LSAMP: variants seen among roughly 807,000 people sequenced by gnomAD.
LSAMP encodes the protein limbic system-associated membrane protein.
Under a neutral mutation model 38.6 loss-of-function variants are expected in LSAMP, and 7 were observed. The observed-to-expected ratio is 0.18, with a 90% CI of 0.10 to 0.34. LSAMP has a LOEUF of 0.34. LSAMP is among the 10% of genes least tolerant of loss of function. The probability of loss-of-function intolerance (pLI) is 1.00; values close to 1 mark genes in which losing one functional copy is unlikely to be tolerated. For synonymous variants in LSAMP, 154 were observed against 166.8 expected, an observed-to-expected ratio of 0.92 and a Z score of 0.59; for missense variants, 313 against 420.0, an observed-to-expected ratio of 0.75 and a Z score of 2.23.
intron 1 of LSAMP, among the ~76,000 whole-genome samples, chr3:116,402,189 C>T (rs1297483838): frequency 1.3e-5 from 2 of 152,156 alleles, no homozygotes; most frequent in African/African-American, 4.8e-5. Flanking sequence ...TGCGATTTCA[C>T]ATGTTAGGGC....
intron 1 of LSAMP, among the ~76,000 whole-genome samples, chr3:116,209,064 T>G (rs907487855): frequency 1.3e-5 from 2 of 152,092 alleles, no homozygotes; most frequent in Non-Finnish European, 2.9e-5. Flanking sequence ...TCCTTGGGGG[T>G]AGGACCCTCT....
At chr3:115,905,991 A>G (rs568523152) in intron 3 of LSAMP, among the ~76,000 whole-genome samples, 1 of 152,310 alleles carries the variant, frequency 6.6e-6, no homozygotes, top group South Asian at 2.1e-4. Context: ...GACTGGAAAC[A>G]GCAAACATGA....
At chr3:116,209,285 C>T (rs2046119438) in intron 1 of LSAMP, among the ~76,000 whole-genome samples, 1 of 152,164 alleles carries the variant, frequency 6.6e-6, no homozygotes, top group Non-Finnish European at 1.5e-5. Flanking sequence ...ACCCACTGAC[C>T]TGCGCCCACT....
At chr3:116,279,329 C>T (rs1053734932) in intron 1 of LSAMP, among the ~76,000 whole-genome samples, 18 of 152,218 alleles carry the variant, frequency 1.2e-4, no homozygotes, top group Admixed American at 1.1e-3. Flanking sequence ...CTCCTTCTCA[C>T]TGCAAGGCCT....
chr3:116,091,523 G>A lies in LSAMP; in HGVS notation c.156-4967C>T, dbSNP rs141209014. Among the ~76,000 whole-genome samples the A allele has an allele frequency of 1.0e-2, 1,516 of 152,208 alleles. 20 individuals carry two copies. Among genetic ancestry groups the A allele is most frequent in the African/African-American group, 0.033 (1,364 of 41,516 alleles). ...ATGTTTAGAGATTGCAGTAAAGACA[G>A]GCATAAGAAATTACAAAAGTATTAA... is the stretch of plus-strand genomic sequence containing the variant. On this transcript the variant is annotated intron_variant, in intron 1 of 6. Coordinates refer to ENST00000490035, the MANE Select transcript of LSAMP (RefSeq NM_002338.5).
chr3:115,954,150 CTTAT>C (rs1393247838), intron 3 of LSAMP, among the ~76,000 whole-genome samples: 2 of 152,118 alleles, frequency 1.3e-5, no homozygotes, highest in Non-Finnish European at 2.9e-5. Context: ...TATCCATTTA[CTTAT>C]TTATTTTTTT....
chr3:116,032,114 AT>A (rs1225306460), intron 2 of LSAMP, among the ~76,000 whole-genome samples: 3 of 152,020 alleles, frequency 2.0e-5, no homozygotes, highest in South Asian at 2.1e-4. Flanking sequence ...TATGAGTTAG[AT>A]TTTTTTTCCT....
At chr3:115,864,243 C>T (rs1001481687) in intron 3 of LSAMP, among the ~76,000 whole-genome samples, 1 of 146,990 alleles carries the variant, frequency 6.8e-6, no homozygotes, top group African/African-American at 2.6e-5. Flanking sequence ...CCTCACTATT[C>T]TCCACTCCAT....
chr3:116,399,867 A>G (rs2048815898), intron 1 of LSAMP, among the ~76,000 whole-genome samples: 1 of 152,190 alleles, frequency 6.6e-6, no homozygotes, highest in African/African-American at 2.4e-5. Context: ...CTTATGTAGA[A>G]AGCATTTGCA....
At chr3:116,248,759 G>T (rs553155624) in intron 1 of LSAMP, among the ~76,000 whole-genome samples, 2 of 152,152 alleles carry the variant, frequency 1.3e-5, no homozygotes, top group South Asian at 4.1e-4. Context: ...GGCCAAGGAT[G>T]CCTGTGTACA....
chr3:115,883,541 C>A (rs1936375889), intron 3 of LSAMP, among the ~76,000 whole-genome samples: 1 of 152,020 alleles, frequency 6.6e-6, no homozygotes, highest in South Asian at 2.1e-4. Context: ...AAGGGATGGG[C>A]ATATTATTGA....
chr3:116,223,388 T>G (rs2046310932), intron 1 of LSAMP, among the ~76,000 whole-genome samples: 1 of 152,220 alleles, frequency 6.6e-6, no homozygotes, highest in Non-Finnish European at 1.5e-5. Context: ...TAATTGCAAA[T>G]GTAGCTATAA....
At chr3:116,235,338 A>T (rs1176706233) in intron 1 of LSAMP, among the ~76,000 whole-genome samples, 1 of 152,052 alleles carries the variant, frequency 6.6e-6, no homozygotes, top group Non-Finnish European at 1.5e-5. Context: ...CTGGTCTTGA[A>T]CTGCTGGGCT....
chr3:116,271,390 C>A (rs1220518064), intron 1 of LSAMP, among the ~76,000 whole-genome samples: 3 of 151,894 alleles, frequency 2.0e-5, no homozygotes, highest in Non-Finnish European at 4.4e-5. Flanking sequence ...GCTTTGTCCA[C>A]AAAGTAGATT....
intron 3 of LSAMP, among the ~76,000 whole-genome samples, chr3:115,853,919 G>A (rs1290757402): frequency 6.6e-6 from 1 of 151,900 alleles, no homozygotes; most frequent in Admixed American, 6.6e-5. Context: ...CCTTTTTTTG[G>A]GAATTCCTCA....
intron 1 of LSAMP, among the ~76,000 whole-genome samples, chr3:116,331,823 T>C (rs998100061): frequency 4.6e-5 from 7 of 152,156 alleles, no homozygotes; most frequent in African/African-American, 1.7e-4. Flanking sequence ...TTTCTTTTTA[T>C]TTTCTTTCTT....
chr3:116,132,043 G>T (rs1219469092), intron 1 of LSAMP, among the ~76,000 whole-genome samples: 1 of 151,816 alleles, frequency 6.6e-6, no homozygotes, highest in African/African-American at 2.4e-5. Context: ...GACCAGGCTG[G>T]TCTCGAACTC....
At chr3:115,869,981 A>G (rs1201652365) in intron 3 of LSAMP, among the ~76,000 whole-genome samples, 2 of 152,064 alleles carry the variant, frequency 1.3e-5, no homozygotes, top group Admixed American at 1.3e-4. Flanking sequence ...GATCTGAGTG[A>G]TTTTGTATAG....
chr3:115,888,696 A>T (rs1936518192), intron 3 of LSAMP, among the ~76,000 whole-genome samples: 1 of 151,912 alleles, frequency 6.6e-6, no homozygotes, highest in East Asian at 1.9e-4. Context: ...TGTTGTTTTC[A>T]AAAATTCTCC....
Sources: gnomAD v4.1 joint callset for allele counts (sites outside exome capture counted in the v4.1 genomes callset) on GRCh38, gnomAD v4.1.1 for gene constraint, MANE v1.5 for transcripts, NCBI Gene and HGNC (gene_info 2026-07-23, HGNC 2026-07-21) for gene names.